The following SERPINC1 variants were observed in gnomAD, a reference collection of about 807,000 sequenced individuals.
SERPINC1 encodes antithrombin-III.
SERPINC1 carries 12 observed loss-of-function variants against 43.4 expected under a neutral mutation model. The observed-to-expected ratio is 0.28, with a 90% confidence interval of 0.18 to 0.45. SERPINC1 has a LOEUF of 0.45. Ranked by LOEUF, SERPINC1 falls within the 20% of genes least tolerant of loss-of-function variation. The pLI is 1.00. For missense variants in SERPINC1, 423 were observed against 578.8 expected, an observed-to-expected ratio of 0.73 and a Z score of 2.76; for synonymous variants, 210 against 218.9, an observed-to-expected ratio of 0.96 and a Z score of 0.36.
intron 5 of SERPINC1, among the ~76,000 whole-genome samples, chr1:173,908,026 T>TAATAATAATAAA (rs1355692001): frequency 3.8e-4 from 54 of 142,886 alleles, no homozygotes; most frequent in African/African-American, 9.7e-4. Flanking sequence ...ATAATAATAA[T>TAATAATAATAAA]AAAAGTACTT....
chr1:173,911,315 G>GA (rs1657760883), intron 3 of SERPINC1, among the ~76,000 whole-genome samples: 1 of 152,166 alleles, frequency 6.6e-6, no homozygotes, highest in South Asian at 2.1e-4. Context: ...ATGGAGGAGA[G>GA]AAATGCCCAT....
intron 2 of SERPINC1, among the ~76,000 whole-genome samples, chr1:173,913,777 C>T (rs1657870635): frequency 6.6e-6 from 1 of 151,594 alleles, no homozygotes; most frequent in African/African-American, 2.4e-5. Context: ...ATTGCTTGAA[C>T]CCGGGAGGTA....
chr1:173,905,764 A>G (rs1204087023), intron 6 of SERPINC1, among the ~76,000 whole-genome samples: 1 of 152,020 alleles, frequency 6.6e-6, no homozygotes, highest in Non-Finnish European at 1.5e-5. Flanking sequence ...TCAACACCCT[A>G]GTCTCCCATT....
chr1:173,911,556 G>A (rs1039907113), intron 3 of SERPINC1, among the ~76,000 whole-genome samples: 1 of 152,234 alleles, frequency 6.6e-6, no homozygotes, highest in African/African-American at 2.4e-5. Context: ...GAAGTTGGTG[G>A]ATGGAATGAA....
At chr1:173,908,877 T>G (rs1276511816) in intron 5 of SERPINC1, among the ~76,000 whole-genome samples, 2 of 152,098 alleles carry the variant, frequency 1.3e-5, no homozygotes, top group Non-Finnish European at 2.9e-5. Context: ...TTAAAAGATA[T>G]TTTAATGTGC....
chr1:173,911,498 G>T (rs986660777), intron 3 of SERPINC1, among the ~76,000 whole-genome samples: 1 of 152,192 alleles, frequency 6.6e-6, no homozygotes, highest in Admixed American at 6.5e-5. Context: ...AATTAAGTAA[G>T]ATATCTTGTA....
chr1:173,910,026 C>T (rs573543610), intron 4 of SERPINC1, 84 bp from the exon 5 acceptor site: 22 of 1,335,178 alleles, frequency 1.6e-5, no homozygotes, highest in Non-Finnish European at 2.3e-5. Flanking sequence ...TATAGTGTTA[C>T]ATTAATATAT....
At chr1:173,905,730 A>G (rs1470074125) in intron 6 of SERPINC1, among the ~76,000 whole-genome samples, 1 of 151,800 alleles carries the variant, frequency 6.6e-6, no homozygotes, top group Non-Finnish European at 1.5e-5. Flanking sequence ...CAATGAAAAA[A>G]AAAAATCTCA....
chr1:173,905,465 AT>A (rs2227616), intron 6 of SERPINC1, among the ~76,000 whole-genome samples: 28,370 of 152,090 alleles, frequency 0.19, 3,781 homozygotes, highest in African/African-American at 0.37. Context: ...CATGCCTGTA[AT>A]CCCAGCACTT....
At chr1:173,915,879 C>G (rs944180082) in intron 1 of SERPINC1, among the ~76,000 whole-genome samples, 7 of 152,186 alleles carry the variant, frequency 4.6e-5, no homozygotes, top group Non-Finnish European at 8.8e-5. Flanking sequence ...CCCCCACAGG[C>G]CTGCTCCTGT....
chr1:173,907,516 TGGAA>T lies in SERPINC1; in HGVS notation c.1154-6_1154-3del, dbSNP rs1657567076. ...CATCTCGGCCTTCTGCAACAATACC[TGGAA>T]GGAAGACCGGAGAAGTCTTTGTGAG... On this transcript the variant is annotated splice_region_variant and splice_polypyrimidine_tract_variant and intron_variant, in intron 5 of 6. Transcript: ENST00000367698. 1 of 1,613,086 alleles carries T rather than the reference TGGAA, an allele frequency of 6.2e-7. No individual in the cohort carries two copies.
intron 6 of SERPINC1, among the ~76,000 whole-genome samples, chr1:173,905,447 C>T (rs953821719): frequency 1.4e-4 from 21 of 148,212 alleles, no homozygotes; most frequent in East Asian, 5.8e-4. Context: ...AGGCCGGGCA[C>T]GGTGGCTCAT....
intron 2 of SERPINC1, among the ~76,000 whole-genome samples, chr1:173,913,479 A>G (rs935296664): frequency 6.6e-6 from 1 of 152,124 alleles, no homozygotes; most frequent in Non-Finnish European, 1.5e-5. Context: ...CCCTGGTCTC[A>G]ATATACCATC....
At chr1:173,916,670 C>T (rs1361420713) in intron 1 of SERPINC1, among the ~76,000 whole-genome samples, 1 of 152,174 alleles carries the variant, frequency 6.6e-6, no homozygotes, top group African/African-American at 2.4e-5. Flanking sequence ...ACAGTTGTGC[C>T]ACCACCCCGT....
At chr1:173,917,187 G>A in intron 1 of SERPINC1, 32 bp downstream of exon 1, 1 of 1,606,134 alleles carries the variant, frequency 6.2e-7, no homozygotes, top group Non-Finnish European at 8.5e-7. Context: ...AACCCAGTAG[G>A]GGCAGGCAAG....
intron 5 of SERPINC1, among the ~76,000 whole-genome samples, 157 bp downstream of exon 5, chr1:173,909,395 A>G (rs970656114): frequency 6.6e-6 from 1 of 152,246 alleles, no homozygotes; most frequent in African/African-American, 2.4e-5. Flanking sequence ...CTGAGGTCTC[A>G]AAAGGAAAAG....
Position 173,907,529 on chromosome 1 carries a change from G to A in SERPINC1, c.1154-15C>T, listed in dbSNP as rs763052075. 109 of 1,610,252 alleles carry A rather than the reference G, an allele frequency of 6.8e-5. No individual in the cohort carries two copies. Among genetic ancestry groups the A allele is most frequent in the Admixed American group, 1.0e-4 (6 of 59,984 alleles). Reference sequence around the variant, plus strand: ...TGCAACAATACCTGGAAGGAAGACCGGAGAAGTCTTTGTGAGATGGGAGAA... The same window carrying A: ...TGCAACAATACCTGGAAGGAAGACCAGAGAAGTCTTTGTGAGATGGGAGAA... On this transcript the variant is annotated splice_polypyrimidine_tract_variant and intron_variant, in intron 5 of 6. Transcript: ENST00000367698.
At chr1:173,907,188 T>C (rs1212899857) in intron 6 of SERPINC1, among the ~76,000 whole-genome samples, 1 of 152,112 alleles carries the variant, frequency 6.6e-6, no homozygotes, top group African/African-American at 2.4e-5. Context: ...TGCTGTAAAT[T>C]TCTTCTTGAT....
chr1:173,910,853 C>G lies in SERPINC1; in HGVS notation c.663G>C (p.Trp221Cys). 1 of 1,614,074 alleles carries G rather than the reference C, an allele frequency of 6.2e-7. No individual in the cohort carries two copies. Among genetic ancestry groups the G allele is most frequent in the East Asian group, 2.2e-5 (1 of 44,876 alleles). The change falls in exon 4 of 7, where the codon TGG (tryptophan) becomes TGC (cysteine). Residue 221 changes from tryptophan to cysteine, a missense_variant. Trp to Cys is a radical substitution (Grantham distance 215, BLOSUM62 -2). Coordinates refer to ENST00000367698, the MANE Select transcript of SERPINC1 (RefSeq NM_000488.4). ...TTCGGCCTTCGGTCTTATTGGACAC[C>G]CATTTGTTGATGGCCGCTCTGGATT... ...AEQSRAAINK[W>C]VSNKTEGRIT...
Sources: gnomAD v4.1 joint callset for allele counts (sites outside exome capture counted in the v4.1 genomes callset) on GRCh38, gnomAD v4.1.1 for gene constraint, MANE v1.5 for transcripts, NCBI Gene and HGNC (gene_info 2026-07-23, HGNC 2026-07-21) for gene names.